Variants in MTAP observed in about 807,000 individuals in gnomAD.
MTAP encodes the protein methylthioadenosine phosphorylase.
In MTAP, 33 loss-of-function variants were observed where a neutral mutation model predicts 33.6. The ratio of observed to expected loss-of-function variants is 0.98; its 90% CI spans 0.74 to 1.31. MTAP has a LOEUF of 1.31. Among genes scored for constraint, MTAP ranks in the 40% most tolerant of loss-of-function variants. MTAP has a pLI of 0.00. For synonymous variants in MTAP, 148 were observed against 125.7 expected, an observed-to-expected ratio of 1.18 and a Z score of -1.19; for missense variants, 367 against 360.0, an observed-to-expected ratio of 1.02 and a Z score of -0.16.
intron 4 of MTAP, among the ~76,000 whole-genome samples, chr9:21,835,343 T>G (rs1257943617): frequency 6.6e-6 from 1 of 152,118 alleles, no homozygotes; most frequent in Non-Finnish European, 1.5e-5. Context: ...AGAAAGAACT[T>G]AAAGAAGCTG....
intron 1 of MTAP, among the ~76,000 whole-genome samples, chr9:21,904,725 A>T (rs1433655195): frequency 6.6e-6 from 1 of 152,226 alleles, no homozygotes; most frequent in Non-Finnish European, 1.5e-5. Flanking sequence ...AAGGTTTTTT[A>T]ACACCAAATT....
At chr9:21,842,195 A>G (rs1010560587) in intron 5 of MTAP, among the ~76,000 whole-genome samples, 2 of 152,206 alleles carry the variant, frequency 1.3e-5, no homozygotes, top group Admixed American at 1.3e-4. Flanking sequence ...GCTTGAAGAC[A>G]AGGCTCTTGA....
At chr9:21,914,478 G>GT (rs906749444) in intron 1 of MTAP, among the ~76,000 whole-genome samples, 3 of 152,132 alleles carry the variant, frequency 2.0e-5, no homozygotes, top group Admixed American at 1.3e-4. Context: ...CATGTCCTTT[G>GT]TAGGGACATG....
intron 1 of MTAP, chr9:21,802,988 A>ACACACACACACACACACACACACACT (rs1824097011): frequency 2.5e-6 from 1 of 394,676 alleles, no homozygotes; most frequent in Non-Finnish European, 3.5e-6. Flanking sequence ...CACCGCCAAC[A>ACACACACACACACACACACACACACT]CACACACACA....
intron 1 of MTAP, among the ~76,000 whole-genome samples, chr9:21,877,338 A>G (rs973162141): frequency 3.3e-5 from 5 of 152,098 alleles, no homozygotes; most frequent in African/African-American, 9.7e-5. Flanking sequence ...TCCTATTTAG[A>G]TGCTCTCTAT....
Position 21,862,896 on chromosome 9 carries a change from AT to A in MTAP, c.*885del. The A allele has an allele frequency of 1.3e-5, 12 of 939,580 alleles. No homozygotes were observed. The highest frequency in any genetic ancestry group is 1.5e-5 in the Non-Finnish European group (12 of 788,828). 58.2% of individuals were successfully genotyped at this position (939,580 alleles called of 1,614,324 possible). On this transcript the variant is annotated 3_prime_UTR_variant, in exon 8 of 8. Transcript: ENST00000644715. ...GTGTCTTCACATTTTTCTACAGTGA[AT>A]TTAATCAAATAGTAAAGTTGTTGTA...
At chr9:21,895,229 G>C (rs936568714) in intron 1 of MTAP, among the ~76,000 whole-genome samples, 1 of 152,162 alleles carries the variant, frequency 6.6e-6, no homozygotes, top group Non-Finnish European at 1.5e-5. Flanking sequence ...GCAAGCCTAA[G>C]CAAAATGAAC....
At chr9:21,856,389 T>C (rs1825643292) in intron 6 of MTAP, among the ~76,000 whole-genome samples, 1 of 152,214 alleles carries the variant, frequency 6.6e-6, no homozygotes, top group African/African-American at 2.4e-5. Context: ...TGCTTAGTAC[T>C]AGGATGCCTT....
chr9:21,812,917 CTTTCTT>C (rs1332079039), intron 1 of MTAP, among the ~76,000 whole-genome samples: 2 of 152,206 alleles, frequency 1.3e-5, no homozygotes, highest in Admixed American at 1.3e-4. Context: ...TTGTGCTTCT[CTTTCTT>C]CGTTTGTAAA....
At chr9:21,804,386 C>T (rs1345573270) in intron 1 of MTAP, among the ~76,000 whole-genome samples, 2 of 152,178 alleles carry the variant, frequency 1.3e-5, no homozygotes, top group African/African-American at 2.4e-5. Flanking sequence ...TTCTCCCTGC[C>T]ACAGGGTTTC....
chr9:21,803,160 A>C (rs940249669), intron 1 of MTAP: 1 of 410,568 alleles, frequency 2.4e-6, no homozygotes. Context: ...TCTTCTTCCA[A>C]GAAAGACACC....
chr9:21,872,978 C>A (rs1434130148), intron 1 of MTAP, among the ~76,000 whole-genome samples: 1 of 152,150 alleles, frequency 6.6e-6, no homozygotes, highest in East Asian at 1.9e-4. Context: ...TCCACATTTT[C>A]CAAGGGAATG....
At chr9:21,918,981 A>G (rs913769272) in intron 1 of MTAP, among the ~76,000 whole-genome samples, 10 of 152,238 alleles carry the variant, frequency 6.6e-5, no homozygotes, top group Admixed American at 3.3e-4. Flanking sequence ...CAAATTGATC[A>G]CCAAGGTGTG....
downstream of MTAP, among the ~76,000 whole-genome samples, chr9:21,871,999 T>C (rs1269944411): frequency 2.0e-5 from 3 of 152,190 alleles, no homozygotes; most frequent in Non-Finnish European, 4.4e-5. Flanking sequence ...AATTTTTGTG[T>C]GTTTTAACCA....
At chr9:21,900,704 G>A (rs1818377150) in intron 1 of MTAP, among the ~76,000 whole-genome samples, 1 of 152,170 alleles carries the variant, frequency 6.6e-6, no homozygotes, top group Non-Finnish European at 1.5e-5. Context: ...CAACCATAAA[G>A]ACTCATGCAT....
chr9:21,829,031 A>G (rs980541432), intron 4 of MTAP, among the ~76,000 whole-genome samples: 6 of 152,224 alleles, frequency 3.9e-5, no homozygotes, highest in African/African-American at 1.4e-4. Context: ...TGAACATCTC[A>G]TAGCAGAAGA....
intron 1 of MTAP, among the ~76,000 whole-genome samples, chr9:21,904,110 G>A (rs573395385): frequency 6.6e-6 from 1 of 152,268 alleles, no homozygotes; most frequent in Non-Finnish European, 1.5e-5. Flanking sequence ...GCTGTCCTCC[G>A]ACTGCCCTGG....
chr9:21,941,037 A>G (rs1487478119), downstream of MTAP: 3 of 976,738 alleles, frequency 3.1e-6, no homozygotes, highest in African/African-American at 1.8e-5. Context: ...ATGACATCCT[A>G]TAGTAATATT....
intron 1 of MTAP, among the ~76,000 whole-genome samples, chr9:21,885,754 T>C (rs1212087887): frequency 1.3e-5 from 2 of 151,382 alleles, no homozygotes; most frequent in Non-Finnish European, 2.9e-5. Flanking sequence ...ATTTCATTCC[T>C]TTTTATAGCT....
Sources: allele counts gnomAD v4.1 joint callset (sites outside exome capture counted in the v4.1 genomes callset), GRCh38; gene constraint gnomAD v4.1.1; transcripts MANE v1.5; gene names NCBI Gene and HGNC (gene_info 2026-07-23, HGNC 2026-07-21).